The following KCTD20 variants were observed in gnomAD, a reference collection of about 807,000 sequenced individuals.
KCTD20 encodes potassium channel tetramerization domain containing 20, also known as BTB/POZ domain-containing protein KCTD20.
Under a neutral mutation model 39.6 loss-of-function variants are expected in KCTD20, and 30 were observed. That is an observed-to-expected ratio of 0.76 (90% confidence interval 0.57 to 1.03). The LOEUF is 1.03. KCTD20 is among the 50% of genes least tolerant of loss of function. The pLI is 0.00. For missense variants in KCTD20, 422 were observed against 522.0 expected (o/e 0.81, Z 1.87); for synonymous variants, 162 against 180.6 (o/e 0.90, Z 0.83).
At chr6:36,445,328 C>T (rs1197800916) in intron 1 of KCTD20, among the ~76,000 whole-genome samples, 3 of 150,836 alleles carry the variant, frequency 2.0e-5, no homozygotes, top group African/African-American at 4.9e-5. Flanking sequence ...CAATAATACA[C>T]GCATTTTTAT....
chr6:36,487,530 G>A lies in KCTD20; in HGVS notation c.*355G>A, dbSNP rs1317422091. 1 of 196,328 alleles carries A rather than the reference G, an allele frequency of 5.1e-6. No individual in the cohort carries two copies. Among genetic ancestry groups the A allele is most frequent in the Non-Finnish European group, 1.0e-5 (1 of 97,044 alleles). 12.2% of individuals were successfully genotyped at this position (196,328 alleles called of 1,614,324 possible). On this transcript the variant is annotated 3_prime_UTR_variant, in exon 8 of 8. Coordinates refer to ENST00000373731, the MANE Select transcript of KCTD20 (RefSeq NM_173562.5). ...CCTTATCCTTTATACTCTGTTCTTGGGTTTTGTTTTTGTCTTGTTTTATAC... is the reference window on the plus strand; with the variant it reads ...CCTTATCCTTTATACTCTGTTCTTGAGTTTTGTTTTTGTCTTGTTTTATAC...
chr6:36,467,365 G>T (rs143610207), intron 1 of KCTD20, among the ~76,000 whole-genome samples: 4,513 of 76,386 alleles, frequency 0.059, 181 homozygotes, highest in South Asian at 0.15. Flanking sequence ...TTGAGACGGA[G>T]TTTCGCACTT....
intron 1 of KCTD20, among the ~76,000 whole-genome samples, chr6:36,464,956 C>T (rs1336818816): frequency 1.3e-5 from 2 of 152,066 alleles, no homozygotes; most frequent in Admixed American, 6.6e-5. Flanking sequence ...AGTGGAGATA[C>T]GGTCCTAAGT....
At chr6:36,457,220 T>C (rs1775464348) in intron 1 of KCTD20, among the ~76,000 whole-genome samples, 1 of 152,184 alleles carries the variant, frequency 6.6e-6, no homozygotes, top group Non-Finnish European at 1.5e-5. Flanking sequence ...ATGTGAGCCA[T>C]TGTGGGCTGT....
Position 36,481,603 on chromosome 6 carries a change from C to T in KCTD20, c.700C>T (p.Gln234Ter). The stretch of plus-strand genomic sequence containing the variant: ...ACTGTCTAATGACGGTGCTCATAAG[C>T]AGTTTGATCACTACCTCGAAGAGCT... ...HELSNDGAHKQFDHYLEELIL... is the reference protein window; with the variant it reads ...HELSNDGAHK Residue 234 changes from glutamine to a stop codon, truncating the protein, a stop_gained, in exon 6 of 8, where the codon CAG (glutamine) becomes TAG (stop). Transcript: ENST00000373731. LOFTEE classifies it high-confidence loss of function. The T allele has an allele frequency of 6.2e-7, 1 of 1,614,204 alleles. No homozygotes were observed. The highest frequency in any genetic ancestry group is 8.5e-7 in the Non-Finnish European group (1 of 1,180,046).
rs905382543 is a variant in KCTD20, at chr6:36,469,485, C to T, written c.-46-567C>T. Among the ~76,000 whole-genome samples the T allele has an allele frequency of 6.6e-6, 1 of 150,632 alleles. No homozygotes were observed. The highest frequency in any genetic ancestry group is 2.1e-4 in the South Asian group (1 of 4,762). On this transcript the variant is annotated intron_variant, in intron 1 of 7. Coordinates refer to ENST00000373731, the MANE Select transcript of KCTD20 (RefSeq NM_173562.5). The surrounding 1 kb of genome is among the most constrained non-coding windows in gnomAD (Gnocchi z 4.6). ...CCAGTGTGATTTTGAGGTGGGGTTT[C>T]GGGATTGAGCATAAGGTATACAAAG...
intron 6 of KCTD20, among the ~76,000 whole-genome samples, 178 bp downstream of exon 6, chr6:36,481,937 T>C (rs1776263796): frequency 6.6e-6 from 1 of 152,220 alleles, no homozygotes; most frequent in Non-Finnish European, 1.5e-5. Context: ...ACAGTGAATG[T>C]TGTTCACCAT....
At chr6:36,478,684 A>G (rs1776146366) in intron 3 of KCTD20, among the ~76,000 whole-genome samples, 1 of 152,136 alleles carries the variant, frequency 6.6e-6, no homozygotes, top group Non-Finnish European at 1.5e-5. Context: ...GTCAGTATTG[A>G]CAGATGAGGG....
At chr6:36,462,556 GC>G (rs1338719500) in intron 1 of KCTD20, among the ~76,000 whole-genome samples, 1 of 152,166 alleles carries the variant, frequency 6.6e-6, no homozygotes, top group African/African-American at 2.4e-5. Flanking sequence ...GGGGAATGGG[GC>G]CCAAGAAGAT....
chr6:36,453,006 T>C, intron 1 of KCTD20, among the ~76,000 whole-genome samples: 1 of 139,272 alleles, frequency 7.2e-6, no homozygotes, highest in Non-Finnish European at 1.6e-5. Context: ...TAGCTTTTTT[T>C]TTTTTTTTTT....
chr6:36,455,568 G>A (rs915386224), intron 1 of KCTD20, among the ~76,000 whole-genome samples: 3 of 151,282 alleles, frequency 2.0e-5, no homozygotes, highest in East Asian at 3.9e-4. Context: ...CTCTATTAGC[G>A]TTCCACCAAA....
chr6:36,477,900 T>A (rs552767979), intron 3 of KCTD20, among the ~76,000 whole-genome samples: 1 of 150,260 alleles, frequency 6.7e-6, no homozygotes, highest in African/African-American at 2.4e-5. Context: ...GGTCAGGAGA[T>A]CGAGACCACG....
At position 36,489,446 on chromosome 6, in the gene KCTD20, G is replaced by GA. The variant is rs1379620534; in HGVS notation, c.*2272dup. The stretch of plus-strand genomic sequence containing the variant: ...GGGTTTGAGTAAGCTGGAAATCTGT[G>GA]ACGGTAGGCTTTCTAGTGTCACGAG... On this transcript the variant is annotated 3_prime_UTR_variant, in exon 8 of 8. Coordinates refer to ENST00000373731, the MANE Select transcript of KCTD20 (RefSeq NM_173562.5). 2 of 152,186 alleles carry GA rather than the reference G, an allele frequency of 1.3e-5. No individual in the cohort carries two copies. The highest frequency in any genetic ancestry group is 2.9e-5 in the Non-Finnish European group (2 of 68,044). 9.4% of individuals were successfully genotyped at this position (152,186 alleles called of 1,614,324 possible). A position where few individuals can be genotyped will look rare whatever the true frequency, so the allele number is the denominator to read the frequency against.
At chr6:36,454,084 G>A (rs2127432075) in intron 1 of KCTD20, among the ~76,000 whole-genome samples, 1 of 152,272 alleles carries the variant, frequency 6.6e-6, no homozygotes, top group East Asian at 1.9e-4. Context: ...TTACTATGTA[G>A]CCTGAATGTG....
chr6:36,448,040 T>TATATATATATATATA (rs1561940752), intron 1 of KCTD20, among the ~76,000 whole-genome samples: 7 of 146,208 alleles, frequency 4.8e-5, no homozygotes, highest in South Asian at 2.1e-4. Flanking sequence ...TATATATATA[T>TATATATATATATATA]TTGAAATACT....
intron 7 of KCTD20, 25 bp downstream of exon 7, chr6:36,484,849 TCAAC>T (rs1776369698): frequency 7.7e-7 from 1 of 1,302,096 alleles, no homozygotes; most frequent in African/African-American, 1.5e-5. Flanking sequence ...AAAATCCCAG[TCAAC>T]ATTCAGGTTG....
intron 1 of KCTD20, among the ~76,000 whole-genome samples, chr6:36,445,069 C>G (rs1277494436): frequency 1.3e-5 from 2 of 152,104 alleles, no homozygotes; most frequent in Non-Finnish European, 2.9e-5. Context: ...TCAGACCAGC[C>G]TGGCCAACCT....
At chr6:36,452,701 C>G (rs1047319103) in intron 1 of KCTD20, 8 of 152,038 alleles carry the variant, frequency 5.3e-5, no homozygotes, top group African/African-American at 1.9e-4. Flanking sequence ...TGACACCTGG[C>G]TAATTTTTGT....
chr6:36,458,003 C>T (rs767803626), intron 1 of KCTD20, among the ~76,000 whole-genome samples: 6 of 151,866 alleles, frequency 4.0e-5, no homozygotes, highest in Non-Finnish European at 7.4e-5. Context: ...GATTGGGAGA[C>T]CATCATAAGG....
Sources: allele counts gnomAD v4.1 joint callset (sites outside exome capture counted in the v4.1 genomes callset), GRCh38; gene constraint gnomAD v4.1.1; non-coding constraint Gnocchi (gnomAD v3.1); transcripts MANE v1.5; gene names NCBI Gene and HGNC (gene_info 2026-07-23, HGNC 2026-07-21).